The following ADCY7 variants were observed in gnomAD, a reference collection of about 807,000 sequenced individuals.
The protein encoded by ADCY7 is adenylate cyclase 7, also known as adenylate cyclase type 7.
ADCY7 carries 72 observed loss-of-function variants against 120.6 expected under a neutral mutation model. The ratio of observed to expected loss-of-function variants is 0.60; its 90% confidence interval spans 0.49 to 0.73. The LOEUF (loss-of-function observed/expected upper bound fraction) is 0.73, where lower values mean the gene tolerates loss of function less well. Ranked by LOEUF, ADCY7 falls within the 30% of genes least tolerant of loss-of-function variation. The probability of loss-of-function intolerance (pLI) is 0.00; values close to 1 mark genes in which losing one functional copy is unlikely to be tolerated. For synonymous variants in ADCY7, 661 were observed against 628.0 expected (o/e 1.05, Z -0.78); for missense variants, 1,227 against 1,486.0 (o/e 0.83, Z 2.87).
chr16:50,279,511 C>A (rs1290965287), intron 1 of ADCY7: 1 of 132,608 alleles, frequency 7.5e-6, no homozygotes, highest in Admixed American at 7.5e-5. Context: ...AACAGGGGAG[C>A]CTGGTTGATT....
chr16:50,292,428 C>T (rs1359269796), intron 4 of ADCY7, among the ~76,000 whole-genome samples: 1 of 152,244 alleles, frequency 6.6e-6, no homozygotes, highest in East Asian at 1.9e-4. Flanking sequence ...CCCTCGGGCC[C>T]TGGGCTCTGT....
intron 18 of ADCY7, chr16:50,310,391 G>C: frequency 1.4e-6 from 2 of 1,439,244 alleles, no homozygotes; most frequent in Non-Finnish European, 1.9e-6. Context: ...AAAACTCAGG[G>C]AGGCAGCTTG....
chr16:50,308,227 G>T, intron 15 of ADCY7, 100 bp from the exon 16 acceptor site: 1 of 1,595,544 alleles, frequency 6.3e-7, no homozygotes, highest in East Asian at 2.2e-5. Flanking sequence ...AGAATACCAG[G>T]TAGGGTGGGG....
chr16:50,298,768 TG>T, intron 7 of ADCY7, 135 bp from the exon 8 acceptor site: 1 of 1,286,670 alleles, frequency 7.8e-7, no homozygotes, highest in Non-Finnish European at 1.1e-6. Flanking sequence ...AAGTGGCTCC[TG>T]GTGACTGGAC....
intron 1 of ADCY7, among the ~76,000 whole-genome samples, chr16:50,255,402 G>GGAAAA (rs368044444): frequency 1.8e-5 from 2 of 108,138 alleles, no homozygotes; most frequent in African/African-American, 7.4e-5. Context: ...TCTGTTTCTG[G>GGAAAA]AAAAAAAAAA....
intron 10 of ADCY7, 47 bp from the exon 11 acceptor site, chr16:50,304,313 C>T (rs745821186): frequency 4.9e-5 from 68 of 1,381,034 alleles, no homozygotes; most frequent in Non-Finnish European, 5.8e-5. Flanking sequence ...CTTCCTGGGC[C>T]GAGAGGGGAG....
At chr16:50,257,746 T>C (rs2150792691) in intron 1 of ADCY7, among the ~76,000 whole-genome samples, 1 of 151,124 alleles carries the variant, frequency 6.6e-6, no homozygotes, top group Admixed American at 6.6e-5. Context: ...ATTAGATTTA[T>C]CTTTTTTTTT....
At position 50,308,760 on chromosome 16, in the gene ADCY7, G is replaced by A. The variant is rs748109446; in HGVS notation, c.2029G>A (p.Gly677Ser). 9.3e-6 allele frequency: 15 copies of A among 1,612,366 alleles called. No homozygotes were observed. Among genetic ancestry groups the A allele is most frequent in the East Asian group, 4.5e-5 (2 of 44,884 alleles). Residue 677 changes from glycine (G) to serine (S), a missense_variant, in exon 17 of 26, where the codon GGC becomes AGC. Coordinates refer to ENST00000673801, the MANE Select transcript of ADCY7 (RefSeq NM_001114.5). ...LRLTLAVLTI[G>S]SLLTVAIINL... is the part of the protein sequence containing the mutation. Reference sequence around the variant, plus strand: ...GCTGACCCTGGCCGTCCTGACCATCGGCAGCCTGCTCACTGTGGCCATCAT... The same window carrying A: ...GCTGACCCTGGCCGTCCTGACCATCAGCAGCCTGCTCACTGTGGCCATCAT...
chr16:50,289,627 G>A (rs753036757), intron 2 of ADCY7, among the ~76,000 whole-genome samples: 1 of 152,044 alleles, frequency 6.6e-6, no homozygotes, highest in Non-Finnish European at 1.5e-5. Flanking sequence ...CACCACGCCT[G>A]GCTAATTTTT....
chr16:50,313,949 T>C lies in ADCY7; in HGVS notation c.2752-9T>C, dbSNP rs757793427. ...GGCGGCTGCTTCACCGCTTCCTTCTTGCCTGCAGCTCCTACTGAAGCCCAA... is the reference window on the plus strand; with the variant it reads ...GGCGGCTGCTTCACCGCTTCCTTCTCGCCTGCAGCTCCTACTGAAGCCCAA... On this transcript the variant is annotated splice_polypyrimidine_tract_variant and intron_variant, in intron 22 of 25. Coordinates refer to ENST00000673801, the MANE Select transcript of ADCY7 (RefSeq NM_001114.5). 1.2e-5 allele frequency: 20 copies of C among 1,609,274 alleles called. No homozygotes were observed. The highest frequency in any genetic ancestry group is 1.7e-5 in the Admixed American group (1 of 59,738).
At chr16:50,277,581 C>CT (rs1178607803) in intron 1 of ADCY7, among the ~76,000 whole-genome samples, 1 of 151,508 alleles carries the variant, frequency 6.6e-6, no homozygotes, top group African/African-American at 2.4e-5. Context: ...TAGACTCAAA[C>CT]TTCTGGGCTC....
intron 1 of ADCY7, among the ~76,000 whole-genome samples, chr16:50,275,572 G>A (rs1304513126): frequency 6.6e-6 from 1 of 152,226 alleles, no homozygotes; most frequent in African/African-American, 2.4e-5. Flanking sequence ...TGCAGGACTT[G>A]TCAGAGCCTT....
intron 1 of ADCY7, among the ~76,000 whole-genome samples, chr16:50,254,442 G>A (rs550564314): frequency 4.6e-5 from 7 of 152,324 alleles, no homozygotes; most frequent in African/African-American, 1.7e-4. Context: ...CAGTGAAGCT[G>A]TAAAGTCAAC....
Position 50,294,633 on chromosome 16 carries a change from T to C in ADCY7, c.837-7T>C. The C allele has an allele frequency of 5.6e-5, 41 of 732,284 alleles. No individual in the cohort carries two copies. The highest frequency in any genetic ancestry group is 8.4e-5 in the Non-Finnish European group (35 of 414,708). The allele number at this position is 732,284 out of a possible 1,614,324, so 45.4% of individuals were successfully genotyped here. The stretch of plus-strand genomic sequence containing the variant: ...TGACACTCCCTCCCACCCTGCCCCA[T>C]CCCCAGCATCCTCTATGCGGACATC... On this transcript the variant is annotated splice_polypyrimidine_tract_variant and splice_region_variant and intron_variant, in intron 6 of 25. Coordinates refer to ENST00000673801, the MANE Select transcript of ADCY7 (RefSeq NM_001114.5).
At position 50,315,449 on chromosome 16, in the gene ADCY7, A is replaced by G. The variant is rs2036757721; in HGVS notation, c.3187A>G (p.Arg1063Gly). 6.2e-7 allele frequency: 1 copy of G among 1,614,030 alleles called. No individual in the cohort carries two copies. The highest frequency in any genetic ancestry group is 1.7e-5 in the Admixed American group (1 of 60,000). Residue 1063 changes from arginine (R) to glycine (G), a missense_variant, in exon 26 of 26, where the codon AGG becomes GGG. By Grantham distance (125) the Arg-to-Gly change is moderately radical (BLOSUM62 -2). Transcript: ENST00000673801. ...CAACGTCAAAGGCAAAGGCGAGCTG[A>G]GGACTTACTTTGTCTGTACGGACAC... ...LINVKGKGEL[R>G]TYFVCTDTAK...
chr16:50,307,812 A>G (rs1051204929), intron 15 of ADCY7, among the ~76,000 whole-genome samples: 1 of 152,134 alleles, frequency 6.6e-6, no homozygotes, highest in Non-Finnish European at 1.5e-5. Flanking sequence ...CCTGGCCAAC[A>G]TGGTGAAACC....
chr16:50,313,772 A>G lies in ADCY7; in HGVS notation c.2752-186A>G, dbSNP rs2036621286. ...TGGGGACGGAGACAACAGGAAGAGC[A>G]GGAGCCGCCAAGGGCCATGTCCTCA... On this transcript the variant is annotated intron_variant, in intron 22 of 25. Coordinates refer to ENST00000673801, the MANE Select transcript of ADCY7 (RefSeq NM_001114.5). The G allele has an allele frequency of 1.4e-5, 8 of 584,514 alleles. No homozygotes were observed. The South Asian group carries it at 1.8e-4, about 13-fold the overall frequency. 36.2% of individuals were successfully genotyped at this position (584,514 alleles called of 1,614,324 possible).
At chr16:50,266,225 T>C (rs945119848), upstream of ADCY7, among the ~76,000 whole-genome samples, 3 of 152,258 alleles carry the variant, frequency 2.0e-5, no homozygotes, top group Non-Finnish European at 2.9e-5. Context: ...GCCAGGCCGC[T>C]AATTGCTAAT....
Position 50,272,769 on chromosome 16 carries a change from T to C in ADCY7, c.-269+6089T>C, listed in dbSNP as rs528654285. Among the ~76,000 whole-genome samples the C allele has an allele frequency of 2.2e-3, 333 of 152,162 alleles. 2 individuals carry two copies. Among genetic ancestry groups the C allele is most frequent in the African/African-American group, 7.3e-3 (304 of 41,516 alleles). ...TGCTGGTGTAGGCTGGGATGAGACCTCCTTCTGTGTGTGTGCGCATCTGGC... is the reference window on the plus strand; with the variant it reads ...TGCTGGTGTAGGCTGGGATGAGACCCCCTTCTGTGTGTGTGCGCATCTGGC... On this transcript the variant is annotated intron_variant, in intron 1 of 25. Transcript: ENST00000673801.
Sources: allele counts gnomAD v4.1 joint callset (sites outside exome capture counted in the v4.1 genomes callset), GRCh38; gene constraint gnomAD v4.1.1; transcripts MANE v1.5; gene names NCBI Gene and HGNC (gene_info 2026-07-23, HGNC 2026-07-21).